C3orf70: variants seen among roughly 807,000 people sequenced by gnomAD.
C3orf70 encodes chromosome 3 open reading frame 70.
C3orf70 carries 15 observed loss-of-function variants against 20.7 expected under a neutral mutation model. The ratio of observed to expected loss-of-function variants is 0.72; its 90% CI spans 0.48 to 1.11. The LOEUF is 1.11. C3orf70 is among the 50% of genes most tolerant of loss of function. The pLI, the probability that C3orf70 is intolerant of heterozygous loss-of-function variation, is 0.00. For synonymous variants in C3orf70, 161 were observed against 125.7 expected (o/e 1.28, Z -1.88); for missense variants, 332 against 317.6 (o/e 1.05, Z -0.34).
chr3:185,104,179 C>G (rs1227475261), intron 1 of C3orf70, among the ~76,000 whole-genome samples: 1 of 152,210 alleles, frequency 6.6e-6, no homozygotes, highest in Non-Finnish European at 1.5e-5. Context: ...AACTTTCCCT[C>G]CAACCTCATC....
intron 1 of C3orf70, among the ~76,000 whole-genome samples, chr3:185,090,547 GA>G (rs527781104): frequency 4.0e-5 from 6 of 151,840 alleles, no homozygotes; most frequent in African/African-American, 1.5e-4. Flanking sequence ...TAAATCTACT[GA>G]AAAAAAATGA....
chr3:185,105,841 A>C (rs1212451376), intron 1 of C3orf70, among the ~76,000 whole-genome samples: 2 of 152,144 alleles, frequency 1.3e-5, no homozygotes, highest in African/African-American at 2.4e-5. Context: ...TAAGAAGGGG[A>C]GCTTGGAAGC....
At chr3:185,149,086 G>A (rs1433703169) in intron 1 of C3orf70, among the ~76,000 whole-genome samples, 3 of 152,104 alleles carry the variant, frequency 2.0e-5, no homozygotes, top group Non-Finnish European at 4.4e-5. Context: ...GATTTTAAAA[G>A]AATTACAAAA....
intron 1 of C3orf70, among the ~76,000 whole-genome samples, chr3:185,119,379 G>A (rs555393598): frequency 3.9e-5 from 6 of 152,118 alleles, no homozygotes; most frequent in South Asian, 4.1e-4. Context: ...GAAGCCGGGC[G>A]CGGTGGTTCA....
chr3:185,103,515 T>C (rs933909860), intron 1 of C3orf70, among the ~76,000 whole-genome samples: 2 of 151,344 alleles, frequency 1.3e-5, no homozygotes, highest in African/African-American at 2.4e-5. Context: ...AAAAAAACCA[T>C]TAAAAAGTGG....
At chr3:185,125,436 C>T (rs1561356413) in intron 1 of C3orf70, among the ~76,000 whole-genome samples, 1 of 151,438 alleles carries the variant, frequency 6.6e-6, no homozygotes, top group Non-Finnish European at 1.5e-5. Context: ...CAACAAAAAC[C>T]AGTTTGGTAG....
intron 1 of C3orf70, among the ~76,000 whole-genome samples, chr3:185,151,512 G>T (rs994929252): frequency 1.3e-5 from 2 of 152,088 alleles, no homozygotes; most frequent in Non-Finnish European, 1.5e-5. Flanking sequence ...TAAGCAAATG[G>T]AACACCAGAA....
At chr3:185,140,955 G>A (rs549471266) in intron 1 of C3orf70, among the ~76,000 whole-genome samples, 2 of 137,568 alleles carry the variant, frequency 1.5e-5, no homozygotes, top group African/African-American at 5.5e-5. Context: ...GCAACAGAGT[G>A]AGACCCTTGT....
intron 1 of C3orf70, among the ~76,000 whole-genome samples, chr3:185,144,522 A>G (rs181853471): frequency 6.6e-6 from 1 of 152,160 alleles, no homozygotes; most frequent in Non-Finnish European, 1.5e-5. Flanking sequence ...CCCAGGCTGG[A>G]GTGCAGTGGC....
At chr3:185,084,414 C>T (rs531678730) in intron 1 of C3orf70, among the ~76,000 whole-genome samples, 2 of 152,092 alleles carry the variant, frequency 1.3e-5, no homozygotes, top group African/African-American at 2.4e-5. Flanking sequence ...TGGATTGTCC[C>T]GGCCACCCTC....
At chr3:185,115,558 T>C (rs574290184) in intron 1 of C3orf70, among the ~76,000 whole-genome samples, 1 of 152,188 alleles carries the variant, frequency 6.6e-6, no homozygotes, top group African/African-American at 2.4e-5. Flanking sequence ...GGCTGGCAAA[T>C]TTGGAAAAAA....
intron 1 of C3orf70, among the ~76,000 whole-genome samples, chr3:185,126,539 T>C (rs1018839853): frequency 6.6e-6 from 1 of 152,100 alleles, no homozygotes; most frequent in Non-Finnish European, 1.5e-5. Context: ...TGAGAAATAA[T>C]ATAAAAAACA....
chr3:185,116,497 T>C (rs776844434), intron 1 of C3orf70, among the ~76,000 whole-genome samples: 3 of 152,242 alleles, frequency 2.0e-5, no homozygotes, highest in Non-Finnish European at 4.4e-5. Context: ...TGTGAAGAGC[T>C]ATCCTCTACA....
In C3orf70 at chr3:185,114,260, G is replaced by A. The variant is rs114179093; in HGVS notation, c.197-30697C>T. On this transcript the variant is annotated intron_variant, in intron 1 of 1. Transcript: ENST00000335012. ...AAAAATAACTGAAATACCATAAATG[G>A]TAACTTTGTTTTGTTATATGTTGAG... Among the ~76,000 whole-genome samples the A allele has an allele frequency of 7.2e-3, 1,095 of 151,988 alleles. 20 individuals carry two copies. The highest frequency in any genetic ancestry group is 0.025 in the African/African-American group (1,044 of 41,404).
At chr3:185,146,450 G>A (rs1716878688) in intron 1 of C3orf70, among the ~76,000 whole-genome samples, 1 of 151,918 alleles carries the variant, frequency 6.6e-6, no homozygotes, top group Non-Finnish European at 1.5e-5. Flanking sequence ...ACCACACCCA[G>A]CTAGTTTTTG....
chr3:185,110,943 G>A (rs910619773), intron 1 of C3orf70, among the ~76,000 whole-genome samples: 1 of 152,186 alleles, frequency 6.6e-6, no homozygotes, highest in Non-Finnish European at 1.5e-5. Flanking sequence ...TCTGCAGGCT[G>A]TGAGACCCCT....
intron 1 of C3orf70, among the ~76,000 whole-genome samples, chr3:185,104,869 A>T (rs1561340811): frequency 6.6e-6 from 1 of 152,192 alleles, no homozygotes; most frequent in African/African-American, 2.4e-5. Flanking sequence ...AATAGGTACT[A>T]GGTTTAATAC....
chr3:185,086,204 TC>T (rs1016628429), intron 1 of C3orf70, among the ~76,000 whole-genome samples: 1 of 152,128 alleles, frequency 6.6e-6, no homozygotes, highest in Non-Finnish European at 1.5e-5. Context: ...TTTTTTTCCT[TC>T]CCCTCCTTTA....
intron 1 of C3orf70, among the ~76,000 whole-genome samples, chr3:185,100,357 C>T (rs77108438): frequency 0.039 from 5,883 of 152,204 alleles, 338 homozygotes; most frequent in African/African-American, 0.13. Flanking sequence ...TCTCGGACCA[C>T]AGAGCAATCA....
Sources: gnomAD v4.1 joint callset for allele counts (sites outside exome capture counted in the v4.1 genomes callset) on GRCh38, gnomAD v4.1.1 for gene constraint, MANE v1.5 for transcripts, NCBI Gene and HGNC (gene_info 2026-07-23, HGNC 2026-07-21) for gene names.